DEPTOR: variants seen among roughly 807,000 people sequenced by gnomAD.
DEPTOR encodes DEP domain containing MTOR interacting protein.
In DEPTOR, 41 loss-of-function variants were observed where a neutral mutation model predicts 41.6. The ratio of observed to expected loss-of-function variants is 0.98; its 90% CI spans 0.77 to 1.28. The LOEUF (loss-of-function observed/expected upper bound fraction) is 1.28, where lower values mean the gene tolerates loss of function less well. DEPTOR is among the 50% of genes most tolerant of loss of function. DEPTOR has a pLI of 0.00. For synonymous variants in DEPTOR, 195 were observed against 192.3 expected (o/e 1.01, Z -0.12); for missense variants, 514 against 527.9 (o/e 0.97, Z 0.26).
chr8:120,048,324 A>G (rs2130221036), intron 8 of DEPTOR, among the ~76,000 whole-genome samples: 1 of 152,318 alleles, frequency 6.6e-6, no homozygotes, highest in Admixed American at 6.5e-5. Flanking sequence ...GCAGAAAAAA[A>G]CAAAGCCCAG....
chr8:119,965,522 C>T lies in DEPTOR; in HGVS notation c.604+112C>T, dbSNP rs145326824. 316 of 1,332,216 alleles carry T rather than the reference C, an allele frequency of 2.4e-4. 5 individuals are homozygous for T. The East Asian group carries it at 7.7e-3, about 32-fold the overall frequency. 82.5% of individuals were successfully genotyped at this position (1,332,216 alleles called of 1,614,324 possible). ...TCATGAATCTGTAAGTCAGCTGCAC[C>T]TCTGCTTATGTTCAGCTTGTCTCCA... On this transcript the variant is annotated intron_variant, in intron 4 of 8. Transcript: ENST00000286234.
At chr8:119,978,162 C>T (rs1828719985) in intron 4 of DEPTOR, among the ~76,000 whole-genome samples, 1 of 152,090 alleles carries the variant, frequency 6.6e-6, no homozygotes, top group Non-Finnish European at 1.5e-5. Context: ...CCTCACTTTG[C>T]CCAAGCATGA....
chr8:119,997,661 A>G lies in DEPTOR; in HGVS notation c.605-3864A>G, dbSNP rs984327264. Among the ~76,000 whole-genome samples, 7 of 152,366 alleles carry G rather than the reference A, an allele frequency of 4.6e-5. No individual in the cohort carries two copies. In the East Asian group the frequency reaches 7.7e-4, roughly 17 times the overall value. Reference sequence around the variant, plus strand: ...AAACTGTGGAATACCCATATGGATTATTAGATTAAATGCTGGCACTGGTGC... The same window carrying G: ...AAACTGTGGAATACCCATATGGATTGTTAGATTAAATGCTGGCACTGGTGC... On this transcript the variant is annotated intron_variant, in intron 4 of 8. Transcript: ENST00000286234.
chr8:120,046,608 AT>A (rs1813157323), intron 8 of DEPTOR, among the ~76,000 whole-genome samples: 1 of 152,032 alleles, frequency 6.6e-6, no homozygotes, highest in Non-Finnish European at 1.5e-5. Context: ...GTCTTTTTAA[AT>A]TTTTTAAATA....
In DEPTOR at chr8:119,946,288, A is replaced by G. The variant is rs1338190156; in HGVS notation, c.425+16350A>G. On this transcript the variant is annotated intron_variant, in intron 3 of 8. Transcript: ENST00000286234. The stretch of plus-strand genomic sequence containing the variant: ...TGAATAACATTTTTAACTTTATTAA[A>G]GTTAAATTTGTAATTAAATTTTAAT... Among the ~76,000 whole-genome samples the G allele has an allele frequency of 2.6e-5, 4 of 152,224 alleles. No individual in the cohort carries two copies. The East Asian group carries it at 7.7e-4, about 29-fold the overall frequency.
At chr8:119,893,075 G>A (rs1350282973) in intron 1 of DEPTOR, among the ~76,000 whole-genome samples, 2 of 152,122 alleles carry the variant, frequency 1.3e-5, no homozygotes, top group African/African-American at 4.8e-5. Context: ...GAGCCACCGC[G>A]CCTGGCAGAC....
chr8:119,937,308 G>A (rs113142458), intron 3 of DEPTOR, among the ~76,000 whole-genome samples: 2,308 of 151,870 alleles, frequency 0.015, 61 homozygotes, highest in African/African-American at 0.053. Context: ...GCTGAGGCAG[G>A]AGAATCGCTT....
At chr8:119,990,333 A>G (rs897644046) in intron 4 of DEPTOR, among the ~76,000 whole-genome samples, 1 of 151,630 alleles carries the variant, frequency 6.6e-6, no homozygotes, top group South Asian at 2.1e-4. Context: ...AACTTTTTGT[A>G]TTTTTAGTAG....
At chr8:119,921,742 T>C (rs1485056607) in intron 1 of DEPTOR, among the ~76,000 whole-genome samples, 6 of 150,910 alleles carry the variant, frequency 4.0e-5, no homozygotes, top group Non-Finnish European at 1.5e-5. Context: ...AAGGTTCTAT[T>C]CTGTAGTTTT....
At position 120,049,808 on chromosome 8, in the gene DEPTOR, CA is replaced by C. The variant is rs1419271821; in HGVS notation, c.*105del. 2 of 1,467,516 alleles carry C rather than the reference CA, an allele frequency of 1.4e-6. No individual in the cohort carries two copies. The highest frequency in any genetic ancestry group is 1.9e-6 in the Non-Finnish European group (2 of 1,079,430). 90.9% of individuals were successfully genotyped at this position (1,467,516 alleles called of 1,614,324 possible). On this transcript the variant is annotated 3_prime_UTR_variant, in exon 9 of 9. Coordinates refer to ENST00000286234, the MANE Select transcript of DEPTOR (RefSeq NM_022783.4). ...TGCCATGCAAATGGATGGTTTTGGACATACGAGTCTTCTCCGCACATACATG... is the reference window on the plus strand; with the variant it reads ...TGCCATGCAAATGGATGGTTTTGGACTACGAGTCTTCTCCGCACATACATG...
intron 4 of DEPTOR, among the ~76,000 whole-genome samples, chr8:119,994,690 G>A (rs1812229811): frequency 1.3e-5 from 2 of 152,050 alleles, no homozygotes; most frequent in Admixed American, 6.6e-5. Context: ...GGCTAAGGTG[G>A]GCAGATCACG....
At chr8:120,027,160 G>T (rs1036076282) in intron 8 of DEPTOR, among the ~76,000 whole-genome samples, 2 of 151,772 alleles carry the variant, frequency 1.3e-5, no homozygotes, top group African/African-American at 2.4e-5. Context: ...GGAGGTTGCG[G>T]TGAGCCGAGA....
intron 4 of DEPTOR, among the ~76,000 whole-genome samples, chr8:119,989,251 T>A (rs1828869027): frequency 6.6e-6 from 1 of 152,172 alleles, no homozygotes; most frequent in African/African-American, 2.4e-5. Flanking sequence ...CCCTTGTGCC[T>A]TGGCCTCCTA....
chr8:119,939,027 G>A (rs1828166579), intron 3 of DEPTOR, among the ~76,000 whole-genome samples: 1 of 151,488 alleles, frequency 6.6e-6, no homozygotes, highest in African/African-American at 2.4e-5. Flanking sequence ...TAGCCTGACA[G>A]GTTATTCAGA....
At chr8:119,918,052 C>T (rs1347716958) in intron 1 of DEPTOR, among the ~76,000 whole-genome samples, 1 of 152,232 alleles carries the variant, frequency 6.6e-6, no homozygotes, top group East Asian at 1.9e-4. Flanking sequence ...GATCCTGCCA[C>T]ATCCCCCTCT....
chr8:119,951,148 C>T (rs1387731792), intron 3 of DEPTOR, among the ~76,000 whole-genome samples: 1 of 152,108 alleles, frequency 6.6e-6, no homozygotes, highest in African/African-American at 2.4e-5. Context: ...TCTTACCTCT[C>T]CTAAGTATCT....
intron 4 of DEPTOR, among the ~76,000 whole-genome samples, chr8:119,975,655 G>T (rs1828687977): frequency 6.6e-6 from 1 of 152,006 alleles, no homozygotes; most frequent in African/African-American, 2.4e-5. Flanking sequence ...AGGGTTATTT[G>T]CTAAAACTGG....
At chr8:120,015,781 G>A (rs1248554707) in intron 8 of DEPTOR, among the ~76,000 whole-genome samples, 2 of 152,216 alleles carry the variant, frequency 1.3e-5, no homozygotes, top group Non-Finnish European at 2.9e-5. Flanking sequence ...GGCTGGCGGA[G>A]GTGGTGTCTG....
Position 120,047,599 on chromosome 8 carries a change from CTGATCCACCTCAAG to C in DEPTOR, c.1102-1966_1102-1953del, listed in dbSNP as rs1219364504. Reference sequence around the variant, plus strand: ...TGACCAGGCTGATCCACCCGCCAGGCTGATCCACCTCAAGTGATCCACCTGCCTCGGCCTCCCAA... The same window carrying C: ...TGACCAGGCTGATCCACCCGCCAGGCTGATCCACCTGCCTCGGCCTCCCAA... On this transcript the variant is annotated intron_variant, in intron 8 of 8. Transcript: ENST00000286234. 2.6e-5 allele frequency among the ~76,000 whole-genome samples: 4 copies of C among 151,798 alleles called. No individual in the cohort carries two copies. The East Asian group carries it at 5.9e-4, about 22-fold the overall frequency.
Sources: gnomAD v4.1 joint callset for allele counts (sites outside exome capture counted in the v4.1 genomes callset) on GRCh38, gnomAD v4.1.1 for gene constraint, MANE v1.5 for transcripts, NCBI Gene and HGNC (gene_info 2026-07-23, HGNC 2026-07-21) for gene names.